CDKAL1: variants seen among roughly 807,000 people sequenced by gnomAD.
The protein encoded by CDKAL1 is CDKAL1 threonylcarbamoyladenosine tRNA methylthiotransferase, also known as threonylcarbamoyladenosine tRNA methylthiotransferase.
CDKAL1 carries 32 observed loss-of-function variants against 68.2 expected under a neutral mutation model. That is an observed-to-expected ratio of 0.47 (90% CI 0.35 to 0.63). The LOEUF (loss-of-function observed/expected upper bound fraction) is 0.63. Ranked by LOEUF, CDKAL1 falls within the 30% of genes least tolerant of loss-of-function variation. The pLI is 0.00. For missense variants in CDKAL1, 606 were observed against 696.7 expected (o/e 0.87, Z 1.47); for synonymous variants, 234 against 244.3 (o/e 0.96, Z 0.39).
chr6:20,668,693 G>A (rs1426474157), intron 5 of CDKAL1, among the ~76,000 whole-genome samples: 1 of 152,168 alleles, frequency 6.6e-6, no homozygotes, highest in Non-Finnish European at 1.5e-5. Context: ...TCAAACCAGA[G>A]AATTAATATT....
intron 9 of CDKAL1, among the ~76,000 whole-genome samples, chr6:20,903,696 A>C (rs1477379121): frequency 6.6e-6 from 1 of 152,240 alleles, no homozygotes; most frequent in Non-Finnish European, 1.5e-5. Context: ...AATGAAACTG[A>C]AGCCCATGTG....
At chr6:20,766,916 C>A (rs1025802894) in intron 7 of CDKAL1, among the ~76,000 whole-genome samples, 1 of 151,968 alleles carries the variant, frequency 6.6e-6, no homozygotes, top group Admixed American at 6.6e-5. Flanking sequence ...AAGAAAAATA[C>A]CAAGTAGATC....
At chr6:20,644,629 G>A (rs773213957) in intron 4 of CDKAL1, among the ~76,000 whole-genome samples, 2 of 152,146 alleles carry the variant, frequency 1.3e-5, no homozygotes, top group African/African-American at 2.4e-5. Context: ...GCAGTGAGCC[G>A]AGATCTCTAG....
At chr6:20,930,015 C>T (rs1001569131) in intron 9 of CDKAL1, among the ~76,000 whole-genome samples, 3 of 152,094 alleles carry the variant, frequency 2.0e-5, no homozygotes, top group Non-Finnish European at 4.4e-5. Flanking sequence ...AAGAACATTT[C>T]TTTATCAAGT....
rs371740185 is a variant in CDKAL1, at chr6:20,777,499, C to T, written c.518-3646C>T. On this transcript the variant is annotated intron_variant, in intron 7 of 15. Transcript: ENST00000274695. ...ACGTGGTGGCGCACACCTATAGTCT[C>T]AGCTCCTCAGGAGGCTGAGATGGAA... 1.6e-3 allele frequency among the ~76,000 whole-genome samples: 248 copies of T among 152,238 alleles called. 8 individuals are homozygous for T. The South Asian group carries it at 0.049, about 30-fold the overall frequency.
At chr6:21,105,088 C>T (rs550104820) in intron 12 of CDKAL1, among the ~76,000 whole-genome samples, 4 of 152,110 alleles carry the variant, frequency 2.6e-5, no homozygotes, top group Non-Finnish European at 4.4e-5. Context: ...TGTTAGCATC[C>T]GTCATTTTTC....
In CDKAL1 at chr6:21,198,910, G is replaced by A. The variant is rs546982706; in HGVS notation, c.1383+806G>A. On this transcript the variant is annotated intron_variant, in intron 14 of 15. Transcript: ENST00000274695. ...TTTCAGGGTCATTGACCCTGGCAAG[G>A]GCCAAGGCCAGGGAAGAGATGGGAT... is the stretch of plus-strand genomic sequence containing the variant. Among the ~76,000 whole-genome samples, 16 of 152,304 alleles carry A rather than the reference G, an allele frequency of 1.1e-4. No individual in the cohort carries two copies. In the South Asian group the frequency reaches 3.1e-3, roughly 30 times the overall value.
At chr6:20,756,741 C>A (rs1460778351) in intron 6 of CDKAL1, 1 of 152,224 alleles carries the variant, frequency 6.6e-6, no homozygotes, top group African/African-American at 2.4e-5. Flanking sequence ...TCTGCTCTCA[C>A]AAGCCTTTCC....
At position 21,079,981 on chromosome 6, in the gene CDKAL1, T is replaced by TGC. The variant is rs1478941531; in HGVS notation, c.1236+14754_1236+14755insCG. Among the ~76,000 whole-genome samples the TGC allele has an allele frequency of 2.3e-4, 34 of 150,418 alleles. 1 individual carries two copies. The highest frequency in any genetic ancestry group is 8.3e-4 in the African/African-American group (34 of 40,906). ...TAAGCTTATCAACTTTGTCTCTGTG[T>TGC]GTGTGTGTGTGTGTGTGTGTGTGTG... On this transcript the variant is annotated intron_variant, in intron 12 of 15. Transcript: ENST00000274695.
intron 7 of CDKAL1, among the ~76,000 whole-genome samples, chr6:20,772,583 G>C (rs1176110166): frequency 6.6e-6 from 1 of 152,170 alleles, no homozygotes; most frequent in African/African-American, 2.4e-5. Flanking sequence ...TTTGTTATAT[G>C]TATCCTTTGT....
chr6:21,090,619 C>G (rs1175695781), intron 12 of CDKAL1, among the ~76,000 whole-genome samples: 8 of 152,086 alleles, frequency 5.3e-5, no homozygotes, highest in Non-Finnish European at 7.3e-5. Context: ...TGAAAGTATA[C>G]ATAAAACAGA....
chr6:20,758,865 T>G (rs1774347065), intron 7 of CDKAL1, among the ~76,000 whole-genome samples: 2 of 152,200 alleles, frequency 1.3e-5, no homozygotes, highest in South Asian at 4.1e-4. Flanking sequence ...CAAAGAGCAA[T>G]GGCTTACTCC....
chr6:20,751,342 C>G (rs1478811921), intron 6 of CDKAL1, among the ~76,000 whole-genome samples: 1 of 152,162 alleles, frequency 6.6e-6, no homozygotes, highest in Non-Finnish European at 1.5e-5. Flanking sequence ...CTCCCTTAGC[C>G]ATTCCCTAAA....
chr6:20,847,885 T>C (rs1561827999), intron 9 of CDKAL1, among the ~76,000 whole-genome samples: 1 of 152,072 alleles, frequency 6.6e-6, no homozygotes, highest in Non-Finnish European at 1.5e-5. Context: ...AGAATGAAAA[T>C]ACACTCCACA....
intron 5 of CDKAL1, among the ~76,000 whole-genome samples, chr6:20,734,751 A>G (rs547978462): frequency 6.6e-6 from 1 of 152,238 alleles, no homozygotes; most frequent in South Asian, 2.1e-4. Context: ...CCCAAAGCCA[A>G]TGTAATTCCA....
intron 9 of CDKAL1, among the ~76,000 whole-genome samples, chr6:20,871,291 A>G (rs902073910): frequency 6.6e-6 from 1 of 152,136 alleles, no homozygotes; most frequent in African/African-American, 2.4e-5. Flanking sequence ...GTGTCTAATA[A>G]TTACCATAAT....
At chr6:20,544,694 A>G (rs968619606) in intron 2 of CDKAL1, among the ~76,000 whole-genome samples, 1 of 151,256 alleles carries the variant, frequency 6.6e-6, no homozygotes, top group Non-Finnish European at 1.5e-5. Flanking sequence ...GTACATTTCC[A>G]TATAAAATTT....
chr6:20,682,072 C>G (rs1382407387), intron 5 of CDKAL1, among the ~76,000 whole-genome samples: 1 of 152,134 alleles, frequency 6.6e-6, no homozygotes, highest in African/African-American at 2.4e-5. Flanking sequence ...AATGAGGGTC[C>G]CACCCTCATG....
At chr6:20,583,700 A>G (rs1300396455) in intron 4 of CDKAL1, among the ~76,000 whole-genome samples, 1 of 151,790 alleles carries the variant, frequency 6.6e-6, no homozygotes, top group Non-Finnish European at 1.5e-5. Context: ...TCTTAGCTAT[A>G]GGAGTATGAA....
Sources: allele counts gnomAD v4.1 joint callset (sites outside exome capture counted in the v4.1 genomes callset), GRCh38; gene constraint gnomAD v4.1.1; transcripts MANE v1.5; gene names NCBI Gene and HGNC (gene_info 2026-07-23, HGNC 2026-07-21).